Variants in PRR16 observed in about 807,000 individuals in gnomAD.
PRR16 encodes the protein proline rich 16.
A neutral mutation model predicts 18.2 loss-of-function variants in PRR16; 6 were observed. That is an observed-to-expected ratio of 0.33 (90% CI 0.18 to 0.65). The LOEUF (loss-of-function observed/expected upper bound fraction) is 0.65. Ranked by LOEUF, PRR16 falls within the 30% of genes least tolerant of loss-of-function variation. The pLI is 0.74. For synonymous variants in PRR16, 151 were observed against 147.8 expected, an observed-to-expected ratio of 1.02 and a Z score of -0.16; for missense variants, 412 against 376.6, an observed-to-expected ratio of 1.09 and a Z score of -0.78.
At chr5:120,794,082 G>T in the PRR16 span, among the ~76,000 whole-genome samples, 3 of 152,074 alleles carry the variant, frequency 2.0e-5, no homozygotes, top group African/African-American at 7.2e-5. Context: ...AAAAGACTAA[G>T]ATGACATTTT....
chr5:120,501,991 T>C (rs1313890597), intron 1 of PRR16, among the ~76,000 whole-genome samples: 1 of 93,588 alleles, frequency 1.1e-5, no homozygotes, highest in African/African-American at 3.9e-5. Flanking sequence ...AAGAAAGAAA[T>C]AGCTAGTATA....
At chr5:120,513,327 C>T (rs963893108) in intron 1 of PRR16, among the ~76,000 whole-genome samples, 8 of 152,154 alleles carry the variant, frequency 5.3e-5, no homozygotes, top group Non-Finnish European at 1.2e-4. Flanking sequence ...TTGCTAACTG[C>T]CTGCCTCAAT....
intron 1 of PRR16, among the ~76,000 whole-genome samples, chr5:120,655,454 A>T (rs1020910656): frequency 2.2e-4 from 33 of 151,222 alleles, no homozygotes; most frequent in African/African-American, 7.0e-4. Context: ...AAAGAGATGG[A>T]CCTATTATTA....
chr5:120,754,826 G>T, the PRR16 span, among the ~76,000 whole-genome samples: 260 of 150,558 alleles, frequency 1.7e-3, no homozygotes, highest in Middle Eastern at 6.9e-3. Flanking sequence ...TAAGAGCAAG[G>T]TCAAAAGATA....
At chr5:120,752,671 T>A in the PRR16 span, among the ~76,000 whole-genome samples, 1 of 152,060 alleles carries the variant, frequency 6.6e-6, no homozygotes, top group South Asian at 2.1e-4. Flanking sequence ...CATAAATATA[T>A]TATTTCTTTT....
At chr5:120,514,329 T>A (rs1256734245) in intron 1 of PRR16, among the ~76,000 whole-genome samples, 3 of 152,180 alleles carry the variant, frequency 2.0e-5, no homozygotes, top group Non-Finnish European at 4.4e-5. Context: ...CGTGGCTTCC[T>A]ACCATCCATA....
chr5:120,658,295 G>C (rs1756053754), intron 1 of PRR16: 1 of 149,132 alleles, frequency 6.7e-6, no homozygotes. Context: ...CCTCACTTAG[G>C]TTTATAGGTT....
At chr5:120,770,971 C>A in the PRR16 span, among the ~76,000 whole-genome samples, 31 of 151,048 alleles carry the variant, frequency 2.1e-4, no homozygotes, top group Non-Finnish European at 3.2e-4. Context: ...CACACACACA[C>A]CTTGCATCTT....
chr5:120,726,350 A>AT, the PRR16 span, among the ~76,000 whole-genome samples: 4 of 152,160 alleles, frequency 2.6e-5, no homozygotes, highest in South Asian at 6.2e-4. Flanking sequence ...GTGGGTAAAC[A>AT]TTAAGACTGA....
chr5:120,782,388 C>G, the PRR16 span, among the ~76,000 whole-genome samples: 1 of 152,156 alleles, frequency 6.6e-6, no homozygotes, highest in East Asian at 1.9e-4. Flanking sequence ...TCTACAGTCA[C>G]CATCTTGATG....
At chr5:120,709,855 T>A in the PRR16 span, among the ~76,000 whole-genome samples, 2 of 152,238 alleles carry the variant, frequency 1.3e-5, no homozygotes, top group Non-Finnish European at 2.9e-5. Flanking sequence ...TGTATTTAAA[T>A]ATCACATTTT....
intron 1 of PRR16, chr5:120,618,319 G>A (rs13360650): frequency 0.066 from 15,560 of 235,330 alleles, 606 homozygotes; most frequent in South Asian, 0.086. Context: ...CATGAGTAGT[G>A]TTGATTTTGT....
chr5:120,645,611 G>A (rs1156415184), intron 1 of PRR16, among the ~76,000 whole-genome samples: 3 of 151,974 alleles, frequency 2.0e-5, no homozygotes, highest in African/African-American at 7.2e-5. Flanking sequence ...CAAATTACTA[G>A]TTTAAACAAA....
chr5:120,650,118 T>A (rs1755726556), intron 1 of PRR16, among the ~76,000 whole-genome samples: 1 of 151,320 alleles, frequency 6.6e-6, no homozygotes, highest in African/African-American at 2.4e-5. Flanking sequence ...CTCAGGAGGC[T>A]GAGGCAGGAG....
chr5:120,655,476 A>G lies in PRR16; in HGVS notation c.160-30478A>G, dbSNP rs573670357. Among the ~76,000 whole-genome samples, 8 of 151,686 alleles carry G rather than the reference A, an allele frequency of 5.3e-5. No individual in the cohort carries two copies. The East Asian group carries it at 9.7e-4, about 18-fold the overall frequency. ...TGGACCTATTATTATAGACATATATAGAAGCATTTGTACAAACAAGTAAAA... is the reference window on the plus strand; with the variant it reads ...TGGACCTATTATTATAGACATATATGGAAGCATTTGTACAAACAAGTAAAA... On this transcript the variant is annotated intron_variant, in intron 1 of 1. Coordinates refer to ENST00000407149, the MANE Select transcript of PRR16 (RefSeq NM_001300783.2).
chr5:120,783,332 C>A, the PRR16 span, among the ~76,000 whole-genome samples: 2 of 152,078 alleles, frequency 1.3e-5, 1 homozygote, highest in Admixed American at 1.3e-4. Context: ...CCATAAATGA[C>A]TTTTTCTAAT....
chr5:120,743,032 C>T, the PRR16 span, among the ~76,000 whole-genome samples: 3 of 152,160 alleles, frequency 2.0e-5, no homozygotes, highest in African/African-American at 7.2e-5. Flanking sequence ...ATCTAAAAAT[C>T]TTTAATTTAA....
chr5:120,730,029 CT>C, the PRR16 span, among the ~76,000 whole-genome samples: 5 of 152,246 alleles, frequency 3.3e-5, no homozygotes, highest in East Asian at 9.7e-4. Context: ...TTTCTCTCCC[CT>C]AATCCCAGTA....
intron 1 of PRR16, among the ~76,000 whole-genome samples, chr5:120,643,462 C>T (rs1206532728): frequency 1.3e-5 from 2 of 152,004 alleles, no homozygotes; most frequent in Non-Finnish European, 2.9e-5. Flanking sequence ...AAAATGAGAA[C>T]ATGATTTTTA....
Sources: allele counts gnomAD v4.1 joint callset (sites outside exome capture counted in the v4.1 genomes callset), GRCh38; gene constraint gnomAD v4.1.1; transcripts MANE v1.5; gene names NCBI Gene and HGNC (gene_info 2026-07-23, HGNC 2026-07-21).